LMLN: variants seen among roughly 807,000 people sequenced by gnomAD.
LMLN encodes the protein leishmanolysin like peptidase, also known as leishmanolysin-like peptidase.
A neutral mutation model predicts 92.3 loss-of-function variants in LMLN; 70 were observed. That is an observed-to-expected ratio of 0.76 (90% confidence interval 0.63 to 0.92). The LOEUF (loss-of-function observed/expected upper bound fraction) is 0.92, where lower values mean the gene tolerates loss of function less well. Ranked by LOEUF, LMLN falls within the 40% of genes least tolerant of loss-of-function variation. LMLN has a pLI of 0.00. For missense variants in LMLN, 691 were observed against 814.6 expected, an observed-to-expected ratio of 0.85 and a Z score of 1.85; for synonymous variants, 308 against 296.2, an observed-to-expected ratio of 1.04 and a Z score of -0.41.
At chr3:198,014,017 C>T (rs1166371802) in intron 11 of LMLN, among the ~76,000 whole-genome samples, 3 of 132,064 alleles carry the variant, frequency 2.3e-5, no homozygotes, top group Admixed American at 7.5e-5. Context: ...GACTTCTCTC[C>T]ACCCTTTAGA....
At chr3:197,970,820 A>G (rs578044332) in intron 1 of LMLN, among the ~76,000 whole-genome samples, 5 of 152,358 alleles carry the variant, frequency 3.3e-5, no homozygotes, top group African/African-American at 1.2e-4. Flanking sequence ...CTTCTGCACA[A>G]TAGTCTTTCA....
chr3:197,994,370 A>C (rs921536808), intron 9 of LMLN, among the ~76,000 whole-genome samples: 1 of 152,222 alleles, frequency 6.6e-6, no homozygotes, highest in Admixed American at 6.5e-5. Context: ...TACATCAGAA[A>C]AGGCGTTAAT....
chr3:197,975,066 T>G (rs1202316816), exon 3 of LMLN: 5 of 1,466,264 alleles, frequency 3.4e-6, no homozygotes, highest in Non-Finnish European at 4.7e-6. Flanking sequence ...AAAAGAATCT[T>G]GTAAAGGTAT....
chr3:198,039,448 C>G (rs1234649006), exon 16 of LMLN: 2 of 152,056 alleles, frequency 1.3e-5, no homozygotes, highest in African/African-American at 4.8e-5. Context: ...CATTATTATA[C>G]CTATTTTAAA....
At chr3:197,975,715 C>G (rs761276504) in intron 3 of LMLN, among the ~76,000 whole-genome samples, 2 of 151,842 alleles carry the variant, frequency 1.3e-5, no homozygotes, top group Non-Finnish European at 2.9e-5. Context: ...GGTGTAGTAT[C>G]GAAGGAAATT....
chr3:197,986,225 C>A (rs1456823100), intron 8 of LMLN, among the ~76,000 whole-genome samples: 4 of 152,166 alleles, frequency 2.6e-5, no homozygotes, highest in African/African-American at 9.7e-5. Flanking sequence ...CTTTGGGAGG[C>A]CAAGGTGGGC....
At chr3:197,981,828 A>G (rs1721565480) in intron 6 of LMLN, among the ~76,000 whole-genome samples, 1 of 149,408 alleles carries the variant, frequency 6.7e-6, no homozygotes, top group African/African-American at 2.5e-5. Flanking sequence ...TTTTGGAGAC[A>G]TAGTCTCGCT....
intron 15 of LMLN, 37 bp downstream of exon 16, chr3:198,036,080 G>C: frequency 6.5e-7 from 1 of 1,546,462 alleles, no homozygotes; most frequent in East Asian, 2.2e-5. Context: ...AGAGGGAAAA[G>C]TGAAGGAGGT....
chr3:198,039,476 A>G (rs989555642), exon 16 of LMLN: 2 of 152,260 alleles, frequency 1.3e-5, no homozygotes, highest in African/African-American at 4.8e-5. Context: ...GCAGCCAGGC[A>G]TGGTTCCAGC....
At chr3:197,990,516 G>T in intron 8 of LMLN, 43 bp from the exon 9 acceptor site, 7 of 819,234 alleles carry the variant, frequency 8.5e-6, no homozygotes, top group East Asian at 2.5e-5. Context: ...ATTTAAAATG[G>T]TGAATTTTCA....
intron 10 of LMLN, among the ~76,000 whole-genome samples, chr3:197,997,064 CTCTCTTTCT>C (rs2109894871): frequency 7.6e-6 from 1 of 132,212 alleles, no homozygotes; most frequent in African/African-American, 3.0e-5. Flanking sequence ...TTCTTTCTTT[CTCTCTTTCT>C]TTCCTTTTCT....
intron 10 of LMLN, among the ~76,000 whole-genome samples, chr3:197,997,774 G>A (rs559268622): frequency 2.6e-5 from 4 of 152,114 alleles, no homozygotes; most frequent in Non-Finnish European, 5.9e-5. Context: ...CATTCACATC[G>A]CAGAAACACA....
At chr3:198,009,449 C>T (rs1722376300) in intron 11 of LMLN, among the ~76,000 whole-genome samples, 1 of 152,054 alleles carries the variant, frequency 6.6e-6, no homozygotes, top group South Asian at 2.1e-4. Flanking sequence ...CCATCTTTGT[C>T]TAGTTTCTGT....
At chr3:198,032,237 G>A (rs1391364969) in intron 14 of LMLN, among the ~76,000 whole-genome samples, 1 of 152,078 alleles carries the variant, frequency 6.6e-6, no homozygotes, top group Non-Finnish European at 1.5e-5. Flanking sequence ...TCCTTTTGAC[G>A]GGTCAGATTG....
exon 16 of LMLN, chr3:198,039,376 C>T (rs1248569861): frequency 2.0e-5 from 3 of 152,162 alleles, no homozygotes; most frequent in Admixed American, 2.0e-4. Flanking sequence ...GAGATCTTGT[C>T]CTCAAAAGTA....
intron 1 of LMLN, among the ~76,000 whole-genome samples, chr3:197,968,418 T>A (rs1277155246): frequency 6.6e-6 from 1 of 151,800 alleles, no homozygotes; most frequent in Non-Finnish European, 1.5e-5. Context: ...ATTGCACCAC[T>A]GTACTCCAGC....
intron 15 of LMLN, among the ~76,000 whole-genome samples, chr3:198,037,277 C>G (rs1034425519): frequency 5.9e-5 from 9 of 152,216 alleles, no homozygotes; most frequent in African/African-American, 2.2e-4. Flanking sequence ...TCCTTGCATG[C>G]AGAACTTTCT....
At chr3:197,978,287 A>G (rs1721461412) in intron 5 of LMLN, among the ~76,000 whole-genome samples, 2 of 152,138 alleles carry the variant, frequency 1.3e-5, no homozygotes, top group Admixed American at 1.3e-4. Flanking sequence ...AGTTATGGAG[A>G]TTTTTGTGAT....
intron 14 of LMLN, 28 bp from the exon 16 acceptor site, chr3:198,035,805 T>G (rs762744076): frequency 1.3e-6 from 2 of 1,505,356 alleles, no homozygotes; most frequent in Non-Finnish European, 1.8e-6. Context: ...TTATTATTTT[T>G]ATATATCTAT....
Sources: allele counts gnomAD v4.1 joint callset (sites outside exome capture counted in the v4.1 genomes callset), GRCh38; gene constraint gnomAD v4.1.1; transcripts MANE v1.5; gene names NCBI Gene and HGNC (gene_info 2026-07-23, HGNC 2026-07-21).